GPR107: variants seen among roughly 807,000 people sequenced by gnomAD.
GPR107 encodes the protein G protein-coupled receptor 107, also known as protein GPR107.
GPR107 carries 31 observed loss-of-function variants against 75.5 expected under a neutral mutation model. That is an observed-to-expected ratio of 0.41 (90% CI 0.31 to 0.55). The LOEUF is 0.55. Among genes scored for constraint, GPR107 ranks in the 20% least tolerant of loss-of-function variants. GPR107 has a pLI of 0.26. For missense variants in GPR107, 572 were observed against 665.7 expected, an observed-to-expected ratio of 0.86 and a Z score of 1.55; for synonymous variants, 267 against 251.3, an observed-to-expected ratio of 1.06 and a Z score of -0.59.
chr9:130,108,699 C>A (rs566830467), intron 14 of GPR107: 2 of 455,686 alleles, frequency 4.4e-6, no homozygotes, highest in Non-Finnish European at 8.8e-6. Flanking sequence ...GCGACCTGCA[C>A]CAGCTTTTGT....
Position 130,079,667 on chromosome 9 carries a change from T to C in GPR107, c.424T>C (p.Leu142=), listed in dbSNP as rs559753298. The C allele has an allele frequency of 3.5e-5, 56 of 1,611,948 alleles. No individual in the cohort carries two copies. The South Asian group carries it at 5.9e-4, about 17-fold the overall frequency. Residue 142 remains leucine (L), a synonymous_variant, in exon 5 of 18, where the codon TTA becomes CTA. Transcript: ENST00000347136. ...GTCTCCACCAGAAGCTGGTACCCAG[T>C]TACCAAAGATCATCTTCAGCAGGGA... is the stretch of plus-strand genomic sequence containing the variant. ...VKSPPEAGTQ[L]PKIIFSRDEK...
intron 6 of GPR107, 111 bp downstream of exon 6, chr9:130,083,713 G>A (rs1421050452): frequency 3.7e-6 from 2 of 542,130 alleles, no homozygotes; most frequent in African/African-American, 3.9e-5. Flanking sequence ...TGCATGCACA[G>A]ACACATACAT....
chr9:130,109,224 G>T (rs1168973550), intron 14 of GPR107, among the ~76,000 whole-genome samples: 1 of 151,942 alleles, frequency 6.6e-6, no homozygotes, highest in Non-Finnish European at 1.5e-5. Context: ...AAGCTAGAAT[G>T]CAGTGGCACG....
rs188979557 is a variant in GPR107 at position 130,094,550 on chromosome 9, G to A, written c.863+2169G>A. Among the ~76,000 whole-genome samples, 21 of 152,300 alleles carry A rather than the reference G, an allele frequency of 1.4e-4. No individual in the cohort carries two copies. The South Asian group carries it at 3.9e-3, about 29-fold the overall frequency. On this transcript the variant is annotated intron_variant, in intron 9 of 17. Transcript: ENST00000347136. ...TTTGTGCCACTGCATTCCAGCTTGG[G>A]ACACAGAGTAAGACTCTGTCTCTAA...
In GPR107 at chr9:130,138,649, A is replaced by C. The variant is rs140357950; in HGVS notation, c.*3528A>C. The C allele has an allele frequency of 6.4e-4, 97 of 151,796 alleles. No individual in the cohort carries two copies. Among genetic ancestry groups the C allele is most frequent in the African/African-American group, 2.3e-3 (93 of 41,320 alleles). 9.4% of individuals were successfully genotyped at this position (151,796 alleles called of 1,614,324 possible). A position where few individuals can be genotyped will look rare whatever the true frequency, so the allele number is the denominator to read the frequency against. On this transcript the variant is annotated 3_prime_UTR_variant, in exon 18 of 18. Transcript: ENST00000347136. ...CCGGCTAAAGGCTTTGGTGCATTGCAGCGTTTTCTCCCAGCAGCTGTGTGA... is the reference window on the plus strand; with the variant it reads ...CCGGCTAAAGGCTTTGGTGCATTGCCGCGTTTTCTCCCAGCAGCTGTGTGA...
At chr9:130,075,136 G>C (rs1830311261) in intron 1 of GPR107, among the ~76,000 whole-genome samples, 1 of 151,930 alleles carries the variant, frequency 6.6e-6, no homozygotes, top group South Asian at 2.1e-4. Context: ...TTCAGCTTTT[G>C]GAGAAAGACA....
At chr9:130,083,850 C>T (rs1830548618) in intron 6 of GPR107, among the ~76,000 whole-genome samples, 1 of 152,014 alleles carries the variant, frequency 6.6e-6, no homozygotes, top group Non-Finnish European at 1.5e-5. Flanking sequence ...CACACATCCT[C>T]CTGTGTACTT....
rs1830180109 is a variant in GPR107, at chr9:130,070,582, G to C, written c.142-5054G>C. On this transcript the variant is annotated intron_variant, in intron 1 of 17. Transcript: ENST00000347136. ...ACCCCCCAAAGTGCTGGGATTACAGGCGTGAGCCACCGCGCCTAGCCAAAA... is the reference window on the plus strand; with the variant it reads ...ACCCCCCAAAGTGCTGGGATTACAGCCGTGAGCCACCGCGCCTAGCCAAAA... Among the ~76,000 whole-genome samples the C allele has an allele frequency of 2.0e-5, 3 of 152,316 alleles. No homozygotes were observed. The East Asian group carries it at 5.8e-4, about 29-fold the overall frequency.
At chr9:130,078,380 T>C (rs1830412669) in intron 4 of GPR107, among the ~76,000 whole-genome samples, 1 of 151,836 alleles carries the variant, frequency 6.6e-6, no homozygotes, top group Non-Finnish European at 1.5e-5. Flanking sequence ...TGAATAAGCT[T>C]CTAAAAAAAA....
At chr9:130,084,434 G>T (rs1205070893) in intron 6 of GPR107, among the ~76,000 whole-genome samples, 1 of 146,298 alleles carries the variant, frequency 6.8e-6, no homozygotes, top group African/African-American at 2.7e-5. Flanking sequence ...ACAGGGAATT[G>T]TCTCCTATTT....
At chr9:130,068,573 A>G (rs1294838638) in intron 1 of GPR107, among the ~76,000 whole-genome samples, 1 of 152,154 alleles carries the variant, frequency 6.6e-6, no homozygotes, top group Non-Finnish European at 1.5e-5. Flanking sequence ...AGTTTATAAG[A>G]AAAACTAAAT....
At chr9:130,106,586 ACT>A (rs1455327181) in intron 13 of GPR107, among the ~76,000 whole-genome samples, 1 of 140,698 alleles carries the variant, frequency 7.1e-6, no homozygotes, top group African/African-American at 2.6e-5. Flanking sequence ...ACAGAACAAG[ACT>A]CTGTCTCAAA....
chr9:130,108,891 G>T, intron 14 of GPR107: 1 of 405,220 alleles, frequency 2.5e-6, no homozygotes, highest in South Asian at 1.8e-5. Context: ...TTCTAGCCGG[G>T]CTACATAGCC....
At chr9:130,059,159 C>T (rs79506171) in intron 1 of GPR107, among the ~76,000 whole-genome samples, 1,541 of 152,274 alleles carry the variant, frequency 0.01, 25 homozygotes, top group African/African-American at 0.036. Context: ...TCTTTCTTCA[C>T]AATGTTATCA....
chr9:130,084,406 A>T (rs373997762), intron 6 of GPR107, among the ~76,000 whole-genome samples: 82 of 54,608 alleles, frequency 1.5e-3, no homozygotes, highest in Non-Finnish European at 3.2e-3. Flanking sequence ...AAAAAAAGTT[A>T]AAAAAAAAAA....
intron 1 of GPR107, among the ~76,000 whole-genome samples, chr9:130,067,741 C>T (rs1202054752): frequency 3.8e-5 from 4 of 104,730 alleles, no homozygotes; most frequent in African/African-American, 1.6e-4. Flanking sequence ...GTAGTCCCCC[C>T]CCACCGCCCC....
intron 14 of GPR107, among the ~76,000 whole-genome samples, chr9:130,113,854 G>A (rs1015181946): frequency 1.3e-5 from 2 of 152,118 alleles, no homozygotes. Context: ...ACTATTCACA[G>A]TAATCTGAAA....
intron 7 of GPR107, among the ~76,000 whole-genome samples, chr9:130,087,805 CAA>C (rs35984705): frequency 0.018 from 1,619 of 87,650 alleles, 21 homozygotes; most frequent in African/African-American, 0.057. Context: ...GACCCTGTCT[CAA>C]AAAAAAAAAA....
chr9:130,106,073 C>A (rs1400260450), intron 13 of GPR107, among the ~76,000 whole-genome samples: 1 of 152,112 alleles, frequency 6.6e-6, no homozygotes, highest in Non-Finnish European at 1.5e-5. Flanking sequence ...GAAAAGAGCA[C>A]CTCATTAGGG....
Sources: gnomAD v4.1 joint callset for allele counts (sites outside exome capture counted in the v4.1 genomes callset) on GRCh38, gnomAD v4.1.1 for gene constraint, MANE v1.5 for transcripts, NCBI Gene and HGNC (gene_info 2026-07-23, HGNC 2026-07-21) for gene names.